The following NALF1 variants were observed in gnomAD, a reference collection of about 807,000 sequenced individuals.
NALF1 encodes the protein family with sequence similarity 155 member A.
A neutral mutation model predicts 48.4 loss-of-function variants in NALF1; 3 were observed. The ratio of observed to expected loss-of-function variants is 0.06; its 90% confidence interval spans 0.03 to 0.16. The LOEUF (loss-of-function observed/expected upper bound fraction) is 0.16. NALF1 is among the 10% of genes least tolerant of loss of function. The pLI, the probability that NALF1 is intolerant of heterozygous loss-of-function variation, is 1.00. For missense variants in NALF1, 526 were observed against 571.5 expected (o/e 0.92, Z 0.81); for synonymous variants, 262 against 245.7 (o/e 1.07, Z -0.62).
At chr13:107,370,553 A>G (rs1022863089) in intron 1 of NALF1, among the ~76,000 whole-genome samples, 3 of 152,210 alleles carry the variant, frequency 2.0e-5, no homozygotes, top group African/African-American at 7.2e-5. Flanking sequence ...AGATAGATCC[A>G]AAAGTAACTT....
At chr13:107,804,601 G>A (rs1363200902) in intron 1 of NALF1, among the ~76,000 whole-genome samples, 1 of 152,094 alleles carries the variant, frequency 6.6e-6, no homozygotes, top group Non-Finnish European at 1.5e-5. Context: ...AGTGGGTGGC[G>A]CTCAGCAGGT....
At chr13:107,305,228 A>AT (rs1291801738) in intron 1 of NALF1, among the ~76,000 whole-genome samples, 5 of 152,116 alleles carry the variant, frequency 3.3e-5, no homozygotes, top group Non-Finnish European at 7.4e-5. Context: ...CAAAAAGCAT[A>AT]TTTTTTTCTT....
rs1050148493 is a variant in NALF1, at chr13:107,607,230, A to C, written c.915+258452T>G. 5.9e-5 allele frequency among the ~76,000 whole-genome samples: 9 copies of C among 152,326 alleles called. No individual in the cohort carries two copies. In the East Asian group the frequency reaches 1.4e-3, roughly 23 times the overall value. ...TTATAAAGTAATTCTAATTGAACAA[A>C]AATAAGAGTACTGCATAGTAAAACA... On this transcript the variant is annotated intron_variant, in intron 1 of 2. Coordinates refer to ENST00000375915, the MANE Select transcript of NALF1 (RefSeq NM_001080396.3).
At chr13:107,807,006 G>C (rs1878810984) in intron 1 of NALF1, among the ~76,000 whole-genome samples, 1 of 152,020 alleles carries the variant, frequency 6.6e-6, no homozygotes, top group African/African-American at 2.4e-5. Flanking sequence ...CAATGTGTTT[G>C]AAACTCTAAA....
intron 1 of NALF1, among the ~76,000 whole-genome samples, chr13:107,814,269 ACAATACC>A (rs1050772406): frequency 9.9e-5 from 15 of 152,140 alleles, no homozygotes; most frequent in African/African-American, 3.6e-4. Flanking sequence ...GTATTTTTAG[ACAATACC>A]CCTATCCATC....
chr13:107,178,802 G>A (rs546298042), intron 2 of NALF1, among the ~76,000 whole-genome samples: 6 of 152,068 alleles, frequency 3.9e-5, no homozygotes, highest in East Asian at 3.9e-4. Flanking sequence ...AAAATTAGCC[G>A]GGCGTGGTGG....
chr13:107,224,652 C>A (rs993610484), intron 1 of NALF1, among the ~76,000 whole-genome samples: 1 of 151,980 alleles, frequency 6.6e-6, no homozygotes, highest in African/African-American at 2.4e-5. Flanking sequence ...GAAATAAGCA[C>A]CTTAACAAAT....
rs1880721730 is a variant in NALF1 at position 107,866,325 on chromosome 13, T to TGCTGCC, written c.266_271dup (p.Arg89_Gln90dup). On this transcript the variant is annotated inframe_insertion, in exon 1 of 3. Coordinates refer to ENST00000375915, the MANE Select transcript of NALF1 (RefSeq NM_001080396.3). The surrounding 1 kb of genome is among the most constrained non-coding windows in gnomAD (Gnocchi z 4.4). Reference sequence around the variant, plus strand: ...CTGCTGCCGCCGCTGCTGCTGCTGCTGCTGCCGCTGCCTCTGCTGCTGCTG... The same window carrying TGCTGCC: ...CTGCTGCCGCCGCTGCTGCTGCTGCTGCTGCCGCTGCCGCTGCCTCTGCTGCTGCTG... 1.2e-6 allele frequency: 2 copies of TGCTGCC among 1,609,260 alleles called. No homozygotes were observed. The highest frequency in any genetic ancestry group is 1.7e-6 in the Non-Finnish European group (2 of 1,179,020).
At chr13:107,238,796 TG>T (rs1382591395) in intron 1 of NALF1, among the ~76,000 whole-genome samples, 2 of 152,130 alleles carry the variant, frequency 1.3e-5, no homozygotes, top group African/African-American at 2.4e-5. Context: ...GGTGAGGTCA[TG>T]GAAATAGGGC....
chr13:107,402,739 T>G (rs1467713346), intron 1 of NALF1, among the ~76,000 whole-genome samples: 2 of 152,142 alleles, frequency 1.3e-5, no homozygotes, highest in African/African-American at 4.8e-5. Context: ...TAACCTCTCT[T>G]GGCCTCAGTT....
intron 1 of NALF1, among the ~76,000 whole-genome samples, chr13:107,442,274 A>C (rs1884573328): frequency 6.6e-6 from 1 of 152,242 alleles, no homozygotes; most frequent in Non-Finnish European, 1.5e-5. Flanking sequence ...AGAACAATTT[A>C]GAATTCAGAC....
intron 1 of NALF1, among the ~76,000 whole-genome samples, chr13:107,468,475 T>A (rs1206741901): frequency 1.3e-5 from 2 of 152,186 alleles, no homozygotes; most frequent in Non-Finnish European, 2.9e-5. Flanking sequence ...TAGCCACAAC[T>A]GGTTAAGAGG....
chr13:107,214,245 G>C (rs554451416), intron 1 of NALF1, among the ~76,000 whole-genome samples: 1 of 152,116 alleles, frequency 6.6e-6, no homozygotes, highest in Non-Finnish European at 1.5e-5. Context: ...TGGTGGCACC[G>C]GGCTAGAAGA....
In NALF1 at chr13:107,654,359, G is replaced by A. The variant is rs369859341; in HGVS notation, c.915+211323C>T. On this transcript the variant is annotated intron_variant, in intron 1 of 2. Coordinates refer to ENST00000375915, the MANE Select transcript of NALF1 (RefSeq NM_001080396.3). ...TAGCAATGCCATTACTTTTAATGGC[G>A]AAAACTGCGATAACTTTTGCACAGT... 1.8e-3 allele frequency among the ~76,000 whole-genome samples: 271 copies of A among 152,158 alleles called. 1 individual carries two copies. Among genetic ancestry groups the A allele is most frequent in the African/African-American group, 6.2e-3 (257 of 41,538 alleles).
chr13:107,647,971 T>C (rs1274428245), intron 1 of NALF1, among the ~76,000 whole-genome samples: 3 of 152,122 alleles, frequency 2.0e-5, no homozygotes, highest in Non-Finnish European at 4.4e-5. Context: ...AAAAGAGTAA[T>C]TTGTTTCAAA....
At chr13:107,316,531 C>G (rs1231553620) in intron 1 of NALF1, among the ~76,000 whole-genome samples, 1 of 152,184 alleles carries the variant, frequency 6.6e-6, no homozygotes, top group African/African-American at 2.4e-5. Context: ...AAAAGTGTTC[C>G]TATTTCTCCA....
At chr13:107,567,633 G>A (rs1872780243) in intron 1 of NALF1, among the ~76,000 whole-genome samples, 1 of 152,162 alleles carries the variant, frequency 6.6e-6, no homozygotes, top group Admixed American at 6.5e-5. Context: ...CATTACACAT[G>A]CACTCTTCTG....
chr13:107,314,001 A>G (rs1262978051), intron 1 of NALF1, among the ~76,000 whole-genome samples: 1 of 152,194 alleles, frequency 6.6e-6, no homozygotes, highest in Non-Finnish European at 1.5e-5. Flanking sequence ...CAAGATAAAC[A>G]TTTTAAACTG....
intron 1 of NALF1, among the ~76,000 whole-genome samples, chr13:107,807,310 TATA>T (rs1878825904): frequency 6.6e-6 from 1 of 152,208 alleles, no homozygotes; most frequent in Non-Finnish European, 1.5e-5. Context: ...TGCATTTTTG[TATA>T]ATATTACTAC....
Sources: gnomAD v4.1 joint callset for allele counts (sites outside exome capture counted in the v4.1 genomes callset) on GRCh38, gnomAD v4.1.1 for gene constraint, Gnocchi (gnomAD v3.1) non-coding constraint, MANE v1.5 for transcripts, NCBI Gene and HGNC (gene_info 2026-07-23, HGNC 2026-07-21) for gene names.